Variants in PTPRM observed in about 807,000 individuals in gnomAD.
PTPRM encodes receptor-type tyrosine-protein phosphatase mu.
A neutral mutation model predicts 186.7 loss-of-function variants in PTPRM; 47 were observed. That is an observed-to-expected ratio of 0.25 (90% CI 0.20 to 0.32). PTPRM has a LOEUF of 0.32. Among genes scored for constraint, PTPRM ranks in the 10% least tolerant of loss-of-function variants. The pLI, the probability that PTPRM is intolerant of heterozygous loss-of-function variation, is 1.00. For synonymous variants in PTPRM, 668 were observed against 674.9 expected (o/e 0.99, Z 0.16); for missense variants, 1,494 against 1,865.0 (o/e 0.80, Z 3.66).
chr18:8,200,457 T>G (rs2093839317), intron 14 of PTPRM, among the ~76,000 whole-genome samples: 1 of 152,246 alleles, frequency 6.6e-6, no homozygotes, highest in Non-Finnish European at 1.5e-5. Flanking sequence ...GATTTCACCC[T>G]TCAGGCTCAG....
intron 17 of PTPRM, among the ~76,000 whole-genome samples, chr18:8,249,264 T>C (rs1289502821): frequency 6.6e-6 from 1 of 152,212 alleles, no homozygotes; most frequent in Non-Finnish European, 1.5e-5. Flanking sequence ...ATTTTTATTT[T>C]CCTAATGGTG....
chr18:8,382,017 G>A (rs1187757425), intron 29 of PTPRM, among the ~76,000 whole-genome samples: 3 of 152,194 alleles, frequency 2.0e-5, no homozygotes, highest in Non-Finnish European at 1.5e-5. Flanking sequence ...TGGCTCATGG[G>A]TAGGAGAGAC....
At chr18:8,170,184 G>C (rs2093377430) in intron 14 of PTPRM, among the ~76,000 whole-genome samples, 1 of 152,128 alleles carries the variant, frequency 6.6e-6, no homozygotes, top group African/African-American at 2.4e-5. Context: ...ACATGTCAGT[G>C]ACAATACAAG....
intron 19 of PTPRM, among the ~76,000 whole-genome samples, chr18:8,278,686 C>T (rs2094865981): frequency 1.3e-5 from 2 of 152,148 alleles, no homozygotes; most frequent in Non-Finnish European, 2.9e-5. Context: ...GGTCATGGCA[C>T]AGAGCATCCT....
intron 2 of PTPRM, among the ~76,000 whole-genome samples, chr18:7,820,191 C>T (rs967131629): frequency 3.9e-5 from 6 of 152,190 alleles, no homozygotes; most frequent in Non-Finnish European, 8.8e-5. Flanking sequence ...ATGCCATACT[C>T]AATGGCAGTG....
chr18:8,343,304 C>T, intron 22 of PTPRM, 119 bp from the exon 23 acceptor site: 1 of 684,964 alleles, frequency 1.5e-6, no homozygotes, highest in Non-Finnish European at 2.4e-6. Flanking sequence ...AGACCTGTGT[C>T]CATCTGTACA....
chr18:7,902,047 G>C (rs2049719715), intron 3 of PTPRM, among the ~76,000 whole-genome samples: 1 of 152,320 alleles, frequency 6.6e-6, no homozygotes, highest in East Asian at 1.9e-4. Flanking sequence ...TATTAATTTT[G>C]TATGTATGTA....
At chr18:7,767,098 T>C (rs930653533) in intron 1 of PTPRM, among the ~76,000 whole-genome samples, 1 of 152,180 alleles carries the variant, frequency 6.6e-6, no homozygotes, top group Non-Finnish European at 1.5e-5. Context: ...CAGAGAACTT[T>C]GTAGCTTACA....
intron 2 of PTPRM, among the ~76,000 whole-genome samples, chr18:7,786,392 A>G (rs1331161661): frequency 1.3e-5 from 2 of 152,144 alleles, no homozygotes; most frequent in African/African-American, 4.8e-5. Flanking sequence ...CCTTATTTGT[A>G]TGCTTTGAGT....
At chr18:7,811,825 T>C (rs2145489036) in intron 2 of PTPRM, among the ~76,000 whole-genome samples, 1 of 152,276 alleles carries the variant, frequency 6.6e-6, no homozygotes, top group South Asian at 2.1e-4. Context: ...GCAATTATAA[T>C]CTATATTCTG....
At chr18:7,796,784 C>A (rs1238375346) in intron 2 of PTPRM, among the ~76,000 whole-genome samples, 1 of 152,226 alleles carries the variant, frequency 6.6e-6, no homozygotes, top group Non-Finnish European at 1.5e-5. Flanking sequence ...TTTAGCCAGT[C>A]ATCTGGTGAC....
chr18:8,170,823 C>T (rs2093389159), intron 14 of PTPRM, among the ~76,000 whole-genome samples: 1 of 152,194 alleles, frequency 6.6e-6, no homozygotes, highest in African/African-American at 2.4e-5. Context: ...TGACTGGCTT[C>T]TATTACTTTT....
chr18:8,048,136 T>C (rs1304869343), intron 7 of PTPRM, among the ~76,000 whole-genome samples: 1 of 152,186 alleles, frequency 6.6e-6, no homozygotes, highest in African/African-American at 2.4e-5. Context: ...TATTGCAAAG[T>C]AGTCTGACAT....
chr18:7,981,683 C>T (rs2082559195), intron 7 of PTPRM, among the ~76,000 whole-genome samples: 1 of 152,178 alleles, frequency 6.6e-6, no homozygotes. Flanking sequence ...AGAAATGCAT[C>T]TTTAGGTGAT....
At chr18:7,717,980 C>T (rs1259313732) in intron 1 of PTPRM, among the ~76,000 whole-genome samples, 1 of 151,958 alleles carries the variant, frequency 6.6e-6, no homozygotes, top group Non-Finnish European at 1.5e-5. Flanking sequence ...AAACAAGGCA[C>T]CCCTGTTGAG....
chr18:8,373,711 A>G (rs977208806), intron 24 of PTPRM, among the ~76,000 whole-genome samples: 1 of 152,178 alleles, frequency 6.6e-6, no homozygotes, highest in African/African-American at 2.4e-5. Context: ...GGACTATTGT[A>G]TGACTTGGAT....
At chr18:7,869,850 A>T (rs150283893) in intron 2 of PTPRM, among the ~76,000 whole-genome samples, 9 of 152,308 alleles carry the variant, frequency 5.9e-5, no homozygotes, top group African/African-American at 2.2e-4. Flanking sequence ...ATGTCTGACC[A>T]CATGATGTTG....
At chr18:7,966,648 C>G (rs896367723) in intron 7 of PTPRM, among the ~76,000 whole-genome samples, 7 of 148,570 alleles carry the variant, frequency 4.7e-5, no homozygotes, top group African/African-American at 1.7e-4. Flanking sequence ...ACCTGGGAAG[C>G]GCAAGGGGTC....
chr18:8,226,955 T>G (rs1011792496), intron 14 of PTPRM, among the ~76,000 whole-genome samples: 10 of 152,188 alleles, frequency 6.6e-5, no homozygotes, highest in Non-Finnish European at 1.5e-4. Flanking sequence ...CTCACACCCA[T>G]CATTCTGACC....
Sources: gnomAD v4.1 joint callset for allele counts (sites outside exome capture counted in the v4.1 genomes callset) on GRCh38, gnomAD v4.1.1 for gene constraint, MANE v1.5 for transcripts, NCBI Gene and HGNC (gene_info 2026-07-23, HGNC 2026-07-21) for gene names.